Variants in CCT6B observed in about 807,000 individuals in gnomAD.
CCT6B encodes chaperonin containing TCP1 subunit 6B.
A neutral mutation model predicts 61.5 loss-of-function variants in CCT6B; 49 were observed. The ratio of observed to expected loss-of-function variants is 0.80; its 90% CI spans 0.63 to 1.01. CCT6B has a LOEUF of 1.01. Ranked by LOEUF, CCT6B falls within the 50% of genes least tolerant of loss-of-function variation. CCT6B has a pLI of 0.00. For missense variants in CCT6B, 666 were observed against 634.7 expected (o/e 1.05, Z -0.53); for synonymous variants, 228 against 214.5 (o/e 1.06, Z -0.55).
In CCT6B at chr17:34,959,663, G is replaced by T; in HGVS notation, c.138-13C>A. On this transcript the variant is annotated splice_polypyrimidine_tract_variant and intron_variant, in intron 1 of 13. Coordinates refer to ENST00000314144, the MANE Select transcript of CCT6B (RefSeq NM_006584.4). ...ACCAGAAACAAGCCTGTTCAGAGAA[G>T]AATGATATTAACTTCATGTGGTAGG... 1.3e-6 allele frequency: 2 copies of T among 1,590,432 alleles called. No homozygotes were observed. The highest frequency in any genetic ancestry group is 1.7e-6 in the Non-Finnish European group (2 of 1,158,702).
In CCT6B at chr17:34,928,039, A is replaced by C. The variant is rs750895030; in HGVS notation, c.*9T>G. On this transcript the variant is annotated 3_prime_UTR_variant, in exon 14 of 14. Transcript: ENST00000314144. Reference sequence around the variant, plus strand: ...CATCTTCTAGAAGGGTTGATTTTGAATTCAATCATCATTTGAGAGAAGACA... The same window carrying C: ...CATCTTCTAGAAGGGTTGATTTTGACTTCAATCATCATTTGAGAGAAGACA... 1 of 1,600,610 alleles carries C rather than the reference A, an allele frequency of 6.2e-7. No individual in the cohort carries two copies. Among genetic ancestry groups the C allele is most frequent in the African/African-American group, 1.3e-5 (1 of 74,358 alleles).
chr17:34,959,314 T>G (rs918104532), intron 2 of CCT6B, among the ~76,000 whole-genome samples: 4 of 143,930 alleles, frequency 2.8e-5, no homozygotes, highest in African/African-American at 1.1e-4. Context: ...TTTTTTTTTG[T>G]AGAGACGGTT....
chr17:34,939,304 C>T lies in CCT6B; in HGVS notation c.1092G>A (p.Glu364=). 1 of 1,613,210 alleles carries T rather than the reference C, an allele frequency of 6.2e-7. No individual in the cohort carries two copies. The highest frequency in any genetic ancestry group is 8.5e-7 in the Non-Finnish European group (1 of 1,179,542). Reference sequence around the variant, plus strand: ...TAACAGAGCAAGGGTTAACACACTCCTCAATAAAAGTGAACTTTTCTTCAC... The same window carrying T: ...TAACAGAGCAAGGGTTAACACACTCTTCAATAAAAGTGAACTTTTCTTCAC... The part of the protein sequence containing the change: ...TLGEEKFTFI[E]ECVNPCSVTL... The change falls in exon 10 of 14, where the codon GAG becomes GAA. Residue 364 remains glutamate, a synonymous_variant. Coordinates refer to ENST00000314144, the MANE Select transcript of CCT6B (RefSeq NM_006584.4).
chr17:34,937,845 T>C (rs1414502417), intron 10 of CCT6B, among the ~76,000 whole-genome samples: 1 of 151,658 alleles, frequency 6.6e-6, no homozygotes, highest in Non-Finnish European at 1.5e-5. Context: ...ACTCTCAAAC[T>C]CAACAATAGT....
intron 3 of CCT6B, among the ~76,000 whole-genome samples, chr17:34,955,185 C>A (rs2090334553): frequency 1.3e-5 from 2 of 152,134 alleles, no homozygotes; most frequent in Admixed American, 6.5e-5. Flanking sequence ...AAAGGCAGCT[C>A]AGGAACTAGT....
chr17:34,958,288 A>T (rs1161400491), intron 3 of CCT6B, among the ~76,000 whole-genome samples: 1 of 152,182 alleles, frequency 6.6e-6, no homozygotes, highest in Admixed American at 6.5e-5. Context: ...TAAAAAAAAT[A>T]CAAACATTAG....
intron 10 of CCT6B, among the ~76,000 whole-genome samples, chr17:34,933,304 C>T (rs1262160351): frequency 6.6e-6 from 1 of 152,184 alleles, no homozygotes; most frequent in Non-Finnish European, 1.5e-5. Context: ...TGGTTAAACA[C>T]ATCAAATTTC....
Position 34,961,373 on chromosome 17 carries a change from G to T in CCT6B, c.21C>A (p.Val7=). 1 of 1,610,296 alleles carries T rather than the reference G, an allele frequency of 6.2e-7. No homozygotes were observed. The change falls in exon 1 of 14, where the codon GTC becomes GTA. Residue 7 remains valine, a synonymous_variant. Transcript: ENST00000314144. MAAIKA[V]NSKAEVARAR... is the part of the protein sequence containing the mutation. ...CCCGCGCCACCTCAGCCTTGGAGTTGACGGCCTTTATCGCAGCCATAGCCT... is the reference window on the plus strand; with the variant it reads ...CCCGCGCCACCTCAGCCTTGGAGTTTACGGCCTTTATCGCAGCCATAGCCT...
chr17:34,961,269 C>A lies in CCT6B; in HGVS notation c.125G>T (p.Gly42Val), dbSNP rs759438923. The stretch of plus-strand genomic sequence containing the variant: ...ACCGCTGTCTCACATTTTCATGGTG[C>A]CTTTAGGACCCAAGTTGGTCCGCAG... ...DVLRTNLGPK[G>V]TMKMLVSGAG... Residue 42 changes from glycine to valine, a missense_variant, in exon 1 of 14, where the codon GGC becomes GTC. Physicochemically the swap from Gly to Val is moderately radical, Grantham distance 109. Coordinates refer to ENST00000314144, the MANE Select transcript of CCT6B (RefSeq NM_006584.4). The A allele has an allele frequency of 6.2e-7, 1 of 1,605,586 alleles. No individual in the cohort carries two copies. The highest frequency in any genetic ancestry group is 1.1e-5 in the South Asian group (1 of 90,226).
Position 34,961,371 on chromosome 17 carries a change from T to G in CCT6B, c.23A>C (p.Asn8Thr). The stretch of plus-strand genomic sequence containing the variant: ...GGCCCGCGCCACCTCAGCCTTGGAG[T>G]TGACGGCCTTTATCGCAGCCATAGC... Reference protein sequence around the residue: MAAIKAVNSKAEVARARA... With the variant: MAAIKAVTSKAEVARARA... The change falls in exon 1 of 14, where the codon AAC becomes ACC. Residue 8 changes from asparagine (N) to threonine (T), a missense_variant. Coordinates refer to ENST00000314144, the MANE Select transcript of CCT6B (RefSeq NM_006584.4). The G allele has an allele frequency of 6.2e-7, 1 of 1,609,472 alleles. No individual in the cohort carries two copies.
intron 5 of CCT6B, among the ~76,000 whole-genome samples, chr17:34,946,402 A>G (rs2090224225): frequency 1.3e-5 from 2 of 152,228 alleles, no homozygotes; most frequent in South Asian, 2.1e-4. Flanking sequence ...CATATTAAAC[A>G]TATGTTTAAA....
At chr17:34,934,158 A>C (rs965457143) in intron 10 of CCT6B, among the ~76,000 whole-genome samples, 1 of 151,938 alleles carries the variant, frequency 6.6e-6, no homozygotes, top group African/African-American at 2.4e-5. Context: ...AAAAACTAAA[A>C]AAGGAAGCAC....
intron 1 of CCT6B, among the ~76,000 whole-genome samples, chr17:34,960,290 A>G (rs1249988795): frequency 4.6e-5 from 7 of 152,160 alleles, no homozygotes; most frequent in Non-Finnish European, 1.0e-4. Context: ...ACCTTTCCCA[A>G]TATCTTCCCT....
chr17:34,947,087 TTA>T (rs937472069), intron 5 of CCT6B, among the ~76,000 whole-genome samples: 22 of 152,178 alleles, frequency 1.4e-4, no homozygotes, highest in Non-Finnish European at 2.8e-4. Context: ...TAGACATTGT[TTA>T]AGAGAAAATT....
intron 6 of CCT6B, 44 bp from the exon 7 acceptor site, chr17:34,942,687 A>G (rs777437082): frequency 6.5e-7 from 1 of 1,531,602 alleles, no homozygotes; most frequent in South Asian, 1.2e-5. Flanking sequence ...AGGAGGAAAA[A>G]GGAAAAAAGA....
intron 1 of CCT6B, 141 bp from the exon 2 acceptor site, chr17:34,959,791 T>C: frequency 1.7e-6 from 1 of 593,200 alleles, no homozygotes; most frequent in East Asian, 2.9e-5. Flanking sequence ...ATTACCACCA[T>C]TTGCAGCTCA....
rs1490229558 is a variant in CCT6B, at chr17:34,942,632, G to T, written c.737C>A (p.Ser246Tyr). The change falls in exon 7 of 14, where the codon TCT (serine) becomes TAT (tyrosine). Residue 246 changes from serine (S) to tyrosine (Y), a missense_variant. Transcript: ENST00000314144. ...SLEYEKTEVN[S>Y]GFFYKTAEEK... ...TTCTGCAGTCTTATAAAAGAAACCAGAGTTCACCTCTCTAAAAGATTAATA... is the reference window on the plus strand; with the variant it reads ...TTCTGCAGTCTTATAAAAGAAACCATAGTTCACCTCTCTAAAAGATTAATA... The T allele has an allele frequency of 1.9e-6, 3 of 1,586,268 alleles. No homozygotes were observed. The highest frequency in any genetic ancestry group is 2.0e-5 in the Admixed American group (1 of 51,254).
chr17:34,942,902 TCAACC>T lies in CCT6B; in HGVS notation c.615-1_618del. On this transcript the variant is annotated splice_acceptor_variant and coding_sequence_variant, in exon 6 of 14. Coordinates refer to ENST00000314144, the MANE Select transcript of CCT6B (RefSeq NM_006584.4). LOFTEE classifies it high-confidence loss of function. ...CCATGATCCAAAACTAATCCTTGGA[TCAACC>T]TATTAAAAATATTAATGTTTCTTAC... 5.1e-6 allele frequency: 8 copies of T among 1,570,258 alleles called. No individual in the cohort carries two copies. Among genetic ancestry groups the T allele is most frequent in the Non-Finnish European group, 7.0e-6 (8 of 1,149,460 alleles).
rs560449829 is a variant in CCT6B at position 34,957,301 on chromosome 17, C to T, written c.336+1259G>A. Among the ~76,000 whole-genome samples the T allele has an allele frequency of 2.4e-4, 37 of 152,090 alleles. 1 individual carries two copies. The South Asian group carries it at 6.2e-3, about 26-fold the overall frequency. On this transcript the variant is annotated intron_variant, in intron 3 of 13. Transcript: ENST00000314144. ...CTGGGATCACAGGCGTGCACCAACA[C>T]GCCTGGCTAATTTTGTATTTTTAGC...
Sources: gnomAD v4.1 joint callset for allele counts (sites outside exome capture counted in the v4.1 genomes callset) on GRCh38, gnomAD v4.1.1 for gene constraint, MANE v1.5 for transcripts, NCBI Gene and HGNC (gene_info 2026-07-23, HGNC 2026-07-21) for gene names.